KDM4C: variants seen among roughly 807,000 people sequenced by gnomAD.
KDM4C encodes the protein lysine demethylase 4C.
KDM4C carries 81 observed loss-of-function variants against 129.3 expected under a neutral mutation model. That is an observed-to-expected ratio of 0.63 (90% confidence interval 0.52 to 0.75). The LOEUF is 0.75. Among genes scored for constraint, KDM4C ranks in the 30% least tolerant of loss-of-function variants. The probability of loss-of-function intolerance (pLI) is 0.00; values close to 1 mark genes in which losing one functional copy is unlikely to be tolerated. For synonymous variants in KDM4C, 573 were observed against 456.1 expected (o/e 1.26, Z -3.26); for missense variants, 1,457 against 1,304.0 (o/e 1.12, Z -1.81).
intron 4 of KDM4C, chr9:6,834,861 T>C: frequency 7.4e-7 from 1 of 1,345,712 alleles, no homozygotes; most frequent in Non-Finnish European, 1.1e-6. Context: ...TACATGGCCA[T>C]CCAGCCCGTG....
chr9:6,879,979 A>T (rs765470391), intron 5 of KDM4C, 33 bp from the exon 6 acceptor site: 1 of 1,284,456 alleles, frequency 7.8e-7, no homozygotes, highest in Non-Finnish European at 1.1e-6. Flanking sequence ...AAAATTATAA[A>T]CCTAAAATTT....
intron 4 of KDM4C, among the ~76,000 whole-genome samples, chr9:6,844,306 A>C (rs1015537922): frequency 1.3e-5 from 2 of 152,154 alleles, no homozygotes; most frequent in African/African-American, 2.4e-5. Context: ...GACATAATCA[A>C]ATTAAATATG....
Position 7,063,953 on chromosome 9 carries a change from C to G in KDM4C, c.2424+14753C>G, listed in dbSNP as rs375525246. Among the ~76,000 whole-genome samples the G allele has an allele frequency of 7.9e-5, 12 of 152,288 alleles. No homozygotes were observed. In the South Asian group the frequency reaches 2.5e-3, roughly 32 times the overall value. On this transcript the variant is annotated intron_variant, in intron 17 of 21. Transcript: ENST00000381309. Reference sequence around the variant, plus strand: ...AAGTTCTAGGTTCTAGGAAGCCTCCCGTCTTTTGGAGCTGTGCTGTCTGTG... The same window carrying G: ...AAGTTCTAGGTTCTAGGAAGCCTCCGGTCTTTTGGAGCTGTGCTGTCTGTG...
At chr9:6,954,750 A>G (rs578020491) in intron 8 of KDM4C, among the ~76,000 whole-genome samples, 3 of 152,346 alleles carry the variant, frequency 2.0e-5, no homozygotes, top group Admixed American at 6.5e-5. Flanking sequence ...AAAGCCAGTA[A>G]CTATTGTCAG....
intron 17 of KDM4C, among the ~76,000 whole-genome samples, chr9:7,074,943 A>G (rs1212350288): frequency 1.3e-5 from 2 of 152,224 alleles, no homozygotes; most frequent in Non-Finnish European, 2.9e-5. Flanking sequence ...GATGTCTGAC[A>G]AGATCTCCTG....
intron 20 of KDM4C, 120 bp downstream of exon 20, chr9:7,165,477 T>G (rs1587957936): frequency 8.7e-7 from 1 of 1,143,952 alleles, no homozygotes; most frequent in African/African-American, 1.6e-5. Flanking sequence ...TCTTATTTTA[T>G]GCAGGAGGCA....
intron 5 of KDM4C, among the ~76,000 whole-genome samples, chr9:6,851,227 C>T (rs1040149987): frequency 6.6e-6 from 1 of 152,162 alleles, no homozygotes; most frequent in Admixed American, 6.5e-5. Context: ...GATCCTGCTG[C>T]CTCAACCTCC....
Position 7,092,557 on chromosome 9 carries a change from A to G in KDM4C, c.2425-11128A>G, listed in dbSNP as rs866195669. ...ACTACCACTTTGGCCTCACAGTTGA[A>G]GCAGTAAAATATATATGTAGCTACA... is the stretch of plus-strand genomic sequence containing the variant. On this transcript the variant is annotated intron_variant, in intron 17 of 21. Coordinates refer to ENST00000381309, the MANE Select transcript of KDM4C (RefSeq NM_015061.6). Among the ~76,000 whole-genome samples, 72 of 152,166 alleles carry G rather than the reference A, an allele frequency of 4.7e-4. 2 individuals carry two copies. Among genetic ancestry groups the G allele is most frequent in the Admixed American group, 1.8e-3 (27 of 15,276 alleles).
chr9:6,820,934 T>C lies in KDM4C; in HGVS notation c.435+6189T>C, dbSNP rs1334873391. On this transcript the variant is annotated intron_variant, in intron 4 of 21. Coordinates refer to ENST00000381309, the MANE Select transcript of KDM4C (RefSeq NM_015061.6). ...CCTGCCCTGTGTCCAAGTGATCTCATTGTTCAATTCCCACCTATGAGTAAG... is the reference window on the plus strand; with the variant it reads ...CCTGCCCTGTGTCCAAGTGATCTCACTGTTCAATTCCCACCTATGAGTAAG... Among the ~76,000 whole-genome samples the C allele has an allele frequency of 2.8e-5, 4 of 145,398 alleles. No homozygotes were observed. The East Asian group carries it at 8.9e-4, about 32-fold the overall frequency.
At chr9:7,048,297 C>G (rs1420518993) in intron 16 of KDM4C, among the ~76,000 whole-genome samples, 1 of 152,078 alleles carries the variant, frequency 6.6e-6, no homozygotes, top group Non-Finnish European at 1.5e-5. Context: ...TACTTGTTCT[C>G]TCTTCCTGTG....
At chr9:6,756,193 C>T (rs1818263646), upstream of KDM4C, among the ~76,000 whole-genome samples, 1 of 152,168 alleles carries the variant, frequency 6.6e-6, no homozygotes, top group Non-Finnish European at 1.5e-5. Context: ...GTTTCCACAT[C>T]TGTAACAATG....
chr9:7,001,884 C>G lies in KDM4C; in HGVS notation c.1787-9814C>G, dbSNP rs550506964. 2.0e-5 allele frequency among the ~76,000 whole-genome samples: 3 copies of G among 151,900 alleles called. No homozygotes were observed. The East Asian group carries it at 5.8e-4, about 29-fold the overall frequency. On this transcript the variant is annotated intron_variant, in intron 12 of 21. Transcript: ENST00000381309. Reference sequence around the variant, plus strand: ...TAGCTTATGAATCTGGAGGTTTTTCCCATGAGTGGTTTTTGTTTGTTTGTT... The same window carrying G: ...TAGCTTATGAATCTGGAGGTTTTTCGCATGAGTGGTTTTTGTTTGTTTGTT...
In KDM4C at chr9:6,981,045, C is replaced by A. The variant is rs1734365022; in HGVS notation, c.1042C>A (p.Pro348Thr). The A allele has an allele frequency of 6.2e-6, 10 of 1,613,792 alleles. No individual in the cohort carries two copies. Among genetic ancestry groups the A allele is most frequent in the Non-Finnish European group, 8.5e-6 (10 of 1,179,806 alleles). ...KDIYTIDHTK[P>T]TPASTPEVKA... ...TATATACACCATTGATCACACGAAGCCTACTCCAGCATCCACCCCTGAAGT... is the reference window on the plus strand; with the variant it reads ...TATATACACCATTGATCACACGAAGACTACTCCAGCATCCACCCCTGAAGT... Residue 348 changes from proline (P) to threonine (T), a missense_variant, in exon 9 of 22, where the codon CCT becomes ACT. By Grantham distance (38) the Pro-to-Thr change is conservative. Transcript: ENST00000381309.
rs1168402184 is a variant in KDM4C at position 7,175,209 on chromosome 9, T to TA, written c.*481dup. 2 of 154,260 alleles carry TA rather than the reference T, an allele frequency of 1.3e-5. No homozygotes were observed. Among genetic ancestry groups the TA allele is most frequent in the African/African-American group, 4.8e-5 (2 of 41,496 alleles). The allele number at this position is 154,260 out of a possible 1,614,324, so 9.6% of individuals were successfully genotyped here. A position where few individuals can be genotyped will look rare whatever the true frequency, so the allele number is the denominator to read the frequency against. ...CTTATTTGTTTCAAATTGCAGTTTT[T>TA]ATAAAACATTTTTAAAACACAAATG... On this transcript the variant is annotated 3_prime_UTR_variant, in exon 22 of 22. Transcript: ENST00000381309.
chr9:6,896,815 G>C (rs1588986693), intron 8 of KDM4C, among the ~76,000 whole-genome samples: 1 of 152,308 alleles, frequency 6.6e-6, no homozygotes, highest in South Asian at 2.1e-4. Flanking sequence ...GGTGAGAGTA[G>C]AGTTGACACT....
At chr9:6,790,458 T>C (rs749883574) in intron 1 of KDM4C, among the ~76,000 whole-genome samples, 75 of 151,004 alleles carry the variant, frequency 5.0e-4, no homozygotes, top group Non-Finnish European at 9.0e-4. Flanking sequence ...TTCACCGTGT[T>C]AGCCAGGATG....
chr9:7,123,031 C>G (rs1839669606), intron 18 of KDM4C, among the ~76,000 whole-genome samples: 2 of 152,072 alleles, frequency 1.3e-5, no homozygotes, highest in South Asian at 4.1e-4. Context: ...ATTTTTCCTG[C>G]AAAAATAAAT....
chr9:6,994,733 C>G lies in KDM4C; in HGVS notation c.1786+4209C>G, dbSNP rs532970278. On this transcript the variant is annotated intron_variant, in intron 12 of 21. Coordinates refer to ENST00000381309, the MANE Select transcript of KDM4C (RefSeq NM_015061.6). ...TTAAAAGAAAAATGTAAATCCTTGT[C>G]CAGGAAATAGTCTCCCTATATATGT... 5.9e-5 allele frequency among the ~76,000 whole-genome samples: 9 copies of G among 152,224 alleles called. No individual in the cohort carries two copies. The South Asian group carries it at 1.2e-3, about 21-fold the overall frequency.
At chr9:6,777,287 C>A (rs372169296) in intron 1 of KDM4C, among the ~76,000 whole-genome samples, 2 of 152,190 alleles carry the variant, frequency 1.3e-5, no homozygotes, top group Admixed American at 6.5e-5. Context: ...CTGCCACTTA[C>A]GTTCTCAGCA....
Sources: gnomAD v4.1 joint callset for allele counts (sites outside exome capture counted in the v4.1 genomes callset) on GRCh38, gnomAD v4.1.1 for gene constraint, MANE v1.5 for transcripts, NCBI Gene and HGNC (gene_info 2026-07-23, HGNC 2026-07-21) for gene names.